Variants in SCEL observed in about 807,000 individuals in gnomAD.
SCEL encodes the protein sciellin.
In SCEL, 113 loss-of-function variants were observed where a neutral mutation model predicts 117.6. The observed-to-expected ratio is 0.96, with a 90% CI of 0.83 to 1.12. The LOEUF (loss-of-function observed/expected upper bound fraction) is 1.12, where lower values mean the gene tolerates loss of function less well. Among genes scored for constraint, SCEL ranks in the 50% most tolerant of loss-of-function variants. The pLI, the probability that SCEL is intolerant of heterozygous loss-of-function variation, is 0.00. For missense variants in SCEL, 785 were observed against 810.8 expected, an observed-to-expected ratio of 0.97 and a Z score of 0.39; for synonymous variants, 270 against 256.2, an observed-to-expected ratio of 1.05 and a Z score of -0.51.
chr13:77,541,612 T>A (rs998445979), intron 1 of SCEL, among the ~76,000 whole-genome samples: 1 of 152,170 alleles, frequency 6.6e-6, no homozygotes, highest in African/African-American at 2.4e-5. Flanking sequence ...ATTTAAATAT[T>A]CTTAAATGGC....
chr13:77,634,275 G>A, intron 28 of SCEL, 104 bp from the exon 29 acceptor site: 1 of 947,484 alleles, frequency 1.1e-6, no homozygotes, highest in South Asian at 1.5e-5. Context: ...TAGTTCAGAA[G>A]GAACATATAT....
At chr13:77,571,728 T>G (rs149273346) in intron 8 of SCEL, among the ~76,000 whole-genome samples, 2,049 of 150,742 alleles carry the variant, frequency 0.014, 35 homozygotes, top group African/African-American at 0.041. Context: ...TATATATATA[T>G]ATAGAGTAGA....
intron 11 of SCEL, among the ~76,000 whole-genome samples, chr13:77,592,077 T>G (rs1210165051): frequency 1.3e-5 from 2 of 152,218 alleles, no homozygotes; most frequent in African/African-American, 4.8e-5. Flanking sequence ...AGTGCAATTT[T>G]ATAGGTCTAT....
chr13:77,548,925 G>C (rs955751714), intron 1 of SCEL, among the ~76,000 whole-genome samples: 6 of 152,152 alleles, frequency 3.9e-5, no homozygotes, highest in African/African-American at 1.2e-4. Flanking sequence ...TAGTTCCATT[G>C]TGCATATATA....
intron 9 of SCEL, among the ~76,000 whole-genome samples, chr13:77,579,478 C>T (rs1428853020): frequency 6.6e-6 from 1 of 152,176 alleles, no homozygotes; most frequent in Admixed American, 6.5e-5. Flanking sequence ...TGCTAAGTAA[C>T]ACCTCTCTCT....
At chr13:77,561,847 C>T (rs1258332757) in intron 4 of SCEL, among the ~76,000 whole-genome samples, 1 of 152,096 alleles carries the variant, frequency 6.6e-6, no homozygotes, top group Non-Finnish European at 1.5e-5. Flanking sequence ...GGAAAAATTT[C>T]CCAAATGGGC....
At chr13:77,618,482 CT>C (rs1246758669) in intron 27 of SCEL, among the ~76,000 whole-genome samples, 1 of 151,972 alleles carries the variant, frequency 6.6e-6, no homozygotes, top group Non-Finnish European at 1.5e-5. Flanking sequence ...CCTTCCTATC[CT>C]TTTTTTCTTT....
At chr13:77,625,318 G>T (rs1188292440) in intron 27 of SCEL, among the ~76,000 whole-genome samples, 2 of 152,198 alleles carry the variant, frequency 1.3e-5, no homozygotes, top group African/African-American at 4.8e-5. Flanking sequence ...CTTATGCCAA[G>T]AAGATGGCTC....
At chr13:77,609,166 A>G (rs900988551) in intron 21 of SCEL, 49 bp downstream of exon 21, 13 of 1,366,392 alleles carry the variant, frequency 9.5e-6, no homozygotes, top group Non-Finnish European at 1.2e-5. Flanking sequence ...CCAATGCCTA[A>G]AAGTATAATT....
chr13:77,603,071 TA>T lies in SCEL; in HGVS notation c.1038-2del. On this transcript the variant is annotated splice_polypyrimidine_tract_variant and splice_region_variant and intron_variant, in intron 17 of 32. Transcript: ENST00000349847. The stretch of plus-strand genomic sequence containing the variant: ...TGAAACTGATATAAACTTTTTTTTT[TA>T]AAGAAGTGAAGACCTTGATAATGCT... 6.6e-7 allele frequency: 1 copy of T among 1,507,830 alleles called. No homozygotes were observed. The highest frequency in any genetic ancestry group is 9.0e-7 in the Non-Finnish European group (1 of 1,116,988). The allele number at this position is 1,507,830 out of a possible 1,614,324, so 93.4% of individuals were successfully genotyped here.
chr13:77,566,913 T>C (rs922423580), intron 5 of SCEL, among the ~76,000 whole-genome samples: 2 of 152,056 alleles, frequency 1.3e-5, no homozygotes, highest in African/African-American at 4.8e-5. Flanking sequence ...GGCCCCAACT[T>C]AATTGCAATG....
chr13:77,560,699 G>A (rs999296178), intron 4 of SCEL, among the ~76,000 whole-genome samples: 27 of 152,106 alleles, frequency 1.8e-4, no homozygotes, highest in Admixed American at 1.2e-3. Flanking sequence ...GATAAAAATA[G>A]AGAATATTCT....
Position 77,562,024 on chromosome 13 carries a change from C to G in SCEL, c.222-1807C>G, listed in dbSNP as rs1044392138. ...ATTATCCACAATTGGAAAGTTTGAC[C>G]ATGTACATGTTCTGGTAGATCATTT... On this transcript the variant is annotated intron_variant, in intron 4 of 32. Coordinates refer to ENST00000349847, the MANE Select transcript of SCEL (RefSeq NM_144777.3). Among the ~76,000 whole-genome samples, 10 of 152,222 alleles carry G rather than the reference C, an allele frequency of 6.6e-5. No homozygotes were observed. In the East Asian group the frequency reaches 1.2e-3, roughly 18 times the overall value.
chr13:77,636,670 T>C (rs2090292415), intron 29 of SCEL, among the ~76,000 whole-genome samples: 2 of 152,236 alleles, frequency 1.3e-5, no homozygotes, highest in African/African-American at 4.8e-5. Context: ...TTCTTGGATA[T>C]ATTCAAGTAA....
At chr13:77,601,642 A>G (rs1028579280) in intron 15 of SCEL, among the ~76,000 whole-genome samples, 2 of 152,230 alleles carry the variant, frequency 1.3e-5, no homozygotes, top group Non-Finnish European at 2.9e-5. Flanking sequence ...TTTAAGAGAA[A>G]TGACTTGTCT....
At position 77,640,754 on chromosome 13, in the gene SCEL, A is replaced by C. The variant is rs1420807029; in HGVS notation, c.1917A>C (p.Leu639Phe). 1 of 1,600,938 alleles carries C rather than the reference A, an allele frequency of 6.2e-7. No homozygotes were observed. Among genetic ancestry groups the C allele is most frequent in the African/African-American group, 1.3e-5 (1 of 74,536 alleles). Residue 639 changes from leucine to phenylalanine, a missense_variant, in exon 31 of 33, where the codon TTA (leucine) becomes TTC (phenylalanine). Physicochemically the swap from Leu to Phe is conservative, Grantham distance 22 (BLOSUM62 0). Coordinates refer to ENST00000349847, the MANE Select transcript of SCEL (RefSeq NM_144777.3). ...GVETKMILDE[L>F]QICCHSTCFK... ...AAACTAAAATGATTTTAGATGAATT[A>C]CAAATTTGCTGCCATTCTACTTGCT...
intron 15 of SCEL, 47 bp from the exon 16 acceptor site, chr13:77,602,018 C>A: frequency 1.3e-6 from 2 of 1,501,660 alleles, no homozygotes; most frequent in South Asian, 2.4e-5. Context: ...CTGAGTTGCT[C>A]TTGCCTCACT....
At position 77,558,739 on chromosome 13, in the gene SCEL, C is replaced by T. The variant is rs967381760; in HGVS notation, c.162-1065C>T. On this transcript the variant is annotated intron_variant, in intron 3 of 32. Transcript: ENST00000349847. ...GCTGAGACAGGAGAATTGCTTGAACCGAGGAGGCAGAGGTTGCAGTGAGCC... is the reference window on the plus strand; with the variant it reads ...GCTGAGACAGGAGAATTGCTTGAACTGAGGAGGCAGAGGTTGCAGTGAGCC... 1.5e-4 allele frequency among the ~76,000 whole-genome samples: 22 copies of T among 146,574 alleles called. 1 individual carries two copies. Among genetic ancestry groups the T allele is most frequent in the Non-Finnish European group, 3.0e-4 (20 of 67,268 alleles).
chr13:77,607,999 G>T, intron 19 of SCEL, 57 bp from the exon 20 acceptor site: 1 of 1,319,536 alleles, frequency 7.6e-7, no homozygotes, highest in Non-Finnish European at 1.1e-6. Context: ...TCTTCTTGTT[G>T]TCAGTCTACC....
Sources: allele counts gnomAD v4.1 joint callset (sites outside exome capture counted in the v4.1 genomes callset), GRCh38; gene constraint gnomAD v4.1.1; transcripts MANE v1.5; gene names NCBI Gene and HGNC (gene_info 2026-07-23, HGNC 2026-07-21).